DROSHA: variants seen among roughly 807,000 people sequenced by gnomAD.
The protein encoded by DROSHA is drosha ribonuclease III, also known as ribonuclease 3.
DROSHA carries 56 observed loss-of-function variants against 181.9 expected under a neutral mutation model. That is an observed-to-expected ratio of 0.31 (90% CI 0.25 to 0.38). The LOEUF is 0.38. Ranked by LOEUF, DROSHA falls within the 10% of genes least tolerant of loss-of-function variation. The probability of loss-of-function intolerance (pLI) is 1.00; values close to 1 mark genes in which losing one functional copy is unlikely to be tolerated. For missense variants in DROSHA, 1,218 were observed against 1,743.5 expected (o/e 0.70, Z 5.37); for synonymous variants, 524 against 591.2 (o/e 0.89, Z 1.65).
intron 16 of DROSHA, among the ~76,000 whole-genome samples, chr5:31,473,848 T>C (rs1750042873): frequency 6.6e-6 from 1 of 152,274 alleles, no homozygotes; most frequent in South Asian, 2.1e-4. Flanking sequence ...CTGTGGATGG[T>C]GTGAAGTCAG....
intron 20 of DROSHA, among the ~76,000 whole-genome samples, chr5:31,454,872 G>A (rs951644067): frequency 2.7e-5 from 4 of 150,450 alleles, no homozygotes; most frequent in African/African-American, 7.3e-5. Context: ...CCCAGGAGGC[G>A]GAGCTTGCAG....
At chr5:31,417,887 T>C (rs1304649615) in intron 30 of DROSHA, among the ~76,000 whole-genome samples, 3 of 151,868 alleles carry the variant, frequency 2.0e-5, no homozygotes, top group African/African-American at 7.3e-5. Flanking sequence ...GGGGCATGAG[T>C]TGACATAGGA....
intron 30 of DROSHA, among the ~76,000 whole-genome samples, chr5:31,412,563 T>C (rs1362702091): frequency 1.3e-5 from 2 of 152,216 alleles, no homozygotes; most frequent in Non-Finnish European, 2.9e-5. Context: ...TCTTAATTTG[T>C]CTGACAATGA....
At chr5:31,420,888 G>A (rs1742579814) in intron 30 of DROSHA, among the ~76,000 whole-genome samples, 1 of 152,080 alleles carries the variant, frequency 6.6e-6, no homozygotes, top group Non-Finnish European at 1.5e-5. Flanking sequence ...AGTAACTTAA[G>A]CTTTCTATAG....
intron 28 of DROSHA, among the ~76,000 whole-genome samples, chr5:31,424,079 T>C (rs913213621): frequency 2.0e-5 from 3 of 152,222 alleles, no homozygotes; most frequent in African/African-American, 7.2e-5. Context: ...ATTAACACTT[T>C]CCCTGCAAAA....
Position 31,526,685 on chromosome 5 carries a change from G to A in DROSHA, c.248C>T (p.Pro83Leu), listed in dbSNP as rs149389256. 9,657 of 1,522,190 alleles carry A rather than the reference G, an allele frequency of 6.3e-3. 44 individuals carry two copies. Among genetic ancestry groups the A allele is most frequent in the Non-Finnish European group, 8.0e-3 (9,055 of 1,136,884 alleles). 94.3% of individuals were successfully genotyped at this position (1,522,190 alleles called of 1,614,324 possible). A position where few individuals can be genotyped will look rare whatever the true frequency, so the allele number is the denominator to read the frequency against. The change falls in exon 5 of 36, where the codon CCA becomes CTA. Residue 83 changes from proline (P) to leucine (L), a missense_variant. Physicochemically the swap from Pro to Leu is moderately conservative, Grantham distance 98 (BLOSUM62 -3). Transcript: ENST00000344624. ...GCCTTGCGCTGACGGAGGCATGGGT[G>A]GGGGGAAGGGTACAAAGTCTGGTCG... ...PPRPDFVPFP[P>L]PMPPSAQGPL...
chr5:31,507,115 G>C (rs1361805691), intron 10 of DROSHA, among the ~76,000 whole-genome samples: 2 of 151,576 alleles, frequency 1.3e-5, no homozygotes, highest in African/African-American at 4.8e-5. Context: ...AGGAGTTTGA[G>C]ACCAGCCTGG....
intron 20 of DROSHA, among the ~76,000 whole-genome samples, chr5:31,453,834 T>C (rs1393056306): frequency 2.0e-5 from 3 of 151,976 alleles, no homozygotes; most frequent in Non-Finnish European, 4.4e-5. Flanking sequence ...AGACTTTAAA[T>C]TTCTAACTCA....
intron 4 of DROSHA, 141 bp downstream of exon 4, chr5:31,528,899 T>C (rs1359398149): frequency 4.3e-6 from 5 of 1,150,806 alleles, no homozygotes; most frequent in South Asian, 1.5e-5. Context: ...CTCTATTGTA[T>C]TGTGCCCACT....
chr5:31,476,277 A>C (rs1247929400), intron 16 of DROSHA, among the ~76,000 whole-genome samples: 1 of 152,204 alleles, frequency 6.6e-6, no homozygotes. Flanking sequence ...GGGCAGGAGA[A>C]TCGCTTGAAT....
intron 16 of DROSHA, among the ~76,000 whole-genome samples, chr5:31,475,516 A>G (rs1209266703): frequency 6.6e-6 from 1 of 152,186 alleles, no homozygotes; most frequent in Non-Finnish European, 1.5e-5. Context: ...TAATGCCAGA[A>G]TACGTTGTCT....
chr5:31,526,757 G>A lies in DROSHA; in HGVS notation c.176C>T (p.Pro59Leu). 1 of 1,592,404 alleles carries A rather than the reference G, an allele frequency of 6.3e-7. No homozygotes were observed. The highest frequency in any genetic ancestry group is 1.1e-5 in the South Asian group (1 of 88,008). Reference protein sequence around the residue: ...VQYQYEPPSAPSTTFSNSPAP... With the variant: ...VQYQYEPPSALSTTFSNSPAP... ...TGGAGAGTTTGAGAAAGTGGTGGAAGGGGCACTTGGAGGTTCATATTGATA... is the reference window on the plus strand; with the variant it reads ...TGGAGAGTTTGAGAAAGTGGTGGAAAGGGCACTTGGAGGTTCATATTGATA... The change falls in exon 5 of 36, where the codon CCT (proline) becomes CTT (leucine). Residue 59 changes from proline to leucine, a missense_variant. Around this residue, in one of 8 missense-constraint regions of DROSHA, gnomAD observed 536 missense variants for 535.4 expected, o/e 1.00. Coordinates refer to ENST00000344624, the MANE Select transcript of DROSHA (RefSeq NM_001382508.1).
At chr5:31,406,981 A>G in intron 33 of DROSHA, 36 bp from the exon 34 acceptor site, 1 of 1,588,190 alleles carries the variant, frequency 6.3e-7, no homozygotes, top group Non-Finnish European at 8.6e-7. Context: ...ATTATGGTAA[A>G]GTGTTATTTG....
intron 19 of DROSHA, among the ~76,000 whole-genome samples, 153 bp downstream of exon 19, chr5:31,466,029 T>C (rs1748960545): frequency 6.6e-6 from 1 of 152,140 alleles, no homozygotes; most frequent in South Asian, 2.1e-4. Context: ...TTAAAATCAA[T>C]TCGTATAATA....
At chr5:31,402,811 T>G (rs1740181429) in intron 35 of DROSHA, among the ~76,000 whole-genome samples, 1 of 152,136 alleles carries the variant, frequency 6.6e-6, no homozygotes, top group Admixed American at 6.5e-5. Flanking sequence ...TATTATTTAT[T>G]TATTTATTTA....
chr5:31,528,543 A>G, intron 4 of DROSHA, among the ~76,000 whole-genome samples: 1 of 152,162 alleles, frequency 6.6e-6, no homozygotes, highest in Non-Finnish European at 1.5e-5. Flanking sequence ...TATGGCAACT[A>G]TCCCTTAATA....
chr5:31,518,815 AAAAGAAAT>A (rs1739550338), intron 6 of DROSHA, among the ~76,000 whole-genome samples: 2 of 152,374 alleles, frequency 1.3e-5, no homozygotes, highest in South Asian at 2.1e-4. Context: ...TCATGTTCTA[AAAAGAAAT>A]TCCACCAAAT....
intron 20 of DROSHA, 46 bp downstream of exon 20, chr5:31,464,190 A>AGGAAGAAAAGTAT: frequency 6.4e-7 from 1 of 1,560,168 alleles, no homozygotes; most frequent in South Asian, 1.1e-5. Flanking sequence ...TTTGTTTTAA[A>AGGAAGAAAAGTAT]GGAAGAAAAG....
At chr5:31,407,892 G>A (rs1740843994) in intron 33 of DROSHA, among the ~76,000 whole-genome samples, 1 of 152,078 alleles carries the variant, frequency 6.6e-6, no homozygotes, top group South Asian at 2.1e-4. Context: ...AATGCTATGA[G>A]CCTTTCATAG....
Sources: gnomAD v4.1 joint callset for allele counts (sites outside exome capture counted in the v4.1 genomes callset) on GRCh38, gnomAD v4.1.1 for gene constraint, gnomAD v4.1.1 regional missense constraint, MANE v1.5 for transcripts, NCBI Gene and HGNC (gene_info 2026-07-23, HGNC 2026-07-21) for gene names.